Variants in TRAPPC9 observed in about 807,000 individuals in gnomAD.
TRAPPC9 encodes trafficking protein particle complex subunit 9.
In TRAPPC9, 83 loss-of-function variants were observed where a neutral mutation model predicts 124.0. That is an observed-to-expected ratio of 0.67 (90% CI 0.56 to 0.80). The LOEUF (loss-of-function observed/expected upper bound fraction) is 0.80, where lower values mean the gene tolerates loss of function less well. Ranked by LOEUF, TRAPPC9 falls within the 30% of genes least tolerant of loss-of-function variation. TRAPPC9 has a pLI of 0.00. For synonymous variants in TRAPPC9, 638 were observed against 617.5 expected (o/e 1.03, Z -0.49); for missense variants, 1,302 against 1,508.3 (o/e 0.86, Z 2.27).
chr8:139,772,520 C>T (rs1368347134), intron 21 of TRAPPC9, among the ~76,000 whole-genome samples: 2 of 152,212 alleles, frequency 1.3e-5, no homozygotes, highest in African/African-American at 4.8e-5. Context: ...GTGAGCTCCC[C>T]AGGCGTCTGC....
At chr8:139,998,565 A>T (rs1053786071) in intron 18 of TRAPPC9, among the ~76,000 whole-genome samples, 7 of 152,070 alleles carry the variant, frequency 4.6e-5, no homozygotes, top group Non-Finnish European at 1.0e-4. Flanking sequence ...AAAAATACAA[A>T]AACAAAATTA....
rs530991018 is a variant in TRAPPC9 at position 140,421,228 on chromosome 8, G to A, written c.886+5387C>T. On this transcript the variant is annotated intron_variant, in intron 5 of 22. Coordinates refer to ENST00000438773, the MANE Select transcript of TRAPPC9 (RefSeq NM_001160372.4). The stretch of plus-strand genomic sequence containing the variant: ...AAAGCTGCCAAAGCCTCTGAAAGAC[G>A]GAAATACATGCATGAACACACATAT... Among the ~76,000 whole-genome samples the A allele has an allele frequency of 3.3e-5, 5 of 152,220 alleles. No homozygotes were observed. In the East Asian group the frequency reaches 9.6e-4, roughly 29 times the overall value.
rs534712905 is a variant in TRAPPC9 at position 140,214,013 on chromosome 8, T to C, written c.2556+7446A>G. 1.2e-4 allele frequency among the ~76,000 whole-genome samples: 19 copies of C among 152,326 alleles called. No individual in the cohort carries two copies. The East Asian group carries it at 3.1e-3, about 25-fold the overall frequency. On this transcript the variant is annotated intron_variant, in intron 17 of 22. Coordinates refer to ENST00000438773, the MANE Select transcript of TRAPPC9 (RefSeq NM_001160372.4). ...CTCCAGGTCTCAGCTGGCTCCCACA[T>C]CTCTATGCAGCTCTGAAGGCTGTGC...
At chr8:139,766,124 C>T (rs1820568920) in intron 21 of TRAPPC9, among the ~76,000 whole-genome samples, 1 of 152,210 alleles carries the variant, frequency 6.6e-6, no homozygotes, top group Non-Finnish European at 1.5e-5. Flanking sequence ...CTGTCAAATC[C>T]CCTTGGCCCC....
chr8:140,099,313 G>A (rs1282795513), intron 17 of TRAPPC9: 2 of 151,262 alleles, frequency 1.3e-5, no homozygotes, highest in Non-Finnish European at 2.9e-5. Context: ...CGAGGTCTCT[G>A]CGCAACTGCA....
intron 21 of TRAPPC9, among the ~76,000 whole-genome samples, chr8:139,768,680 A>G (rs1289235357): frequency 1.3e-5 from 2 of 152,236 alleles, no homozygotes; most frequent in Non-Finnish European, 2.9e-5. Flanking sequence ...GGGGTTATCT[A>G]AACACAGAGC....
chr8:140,457,625 C>G lies in TRAPPC9; in HGVS notation c.-11+14G>C, dbSNP rs1012219131. The G allele has an allele frequency of 4.1e-6, 4 of 985,790 alleles. No individual in the cohort carries two copies. The highest frequency in any genetic ancestry group is 3.6e-6 in the Non-Finnish European group (3 of 830,200). The allele number at this position is 985,790 out of a possible 1,614,324, so 61.1% of individuals were successfully genotyped here. A position where few individuals can be genotyped will look rare whatever the true frequency, so the allele number is the denominator to read the frequency against. ...CGAATTGCCTGACCGGGAGCCCCCC[C>G]GCTTTGCACTTACACAGCCGGTGGC... On this transcript the variant is annotated intron_variant, in intron 1 of 22. Coordinates refer to ENST00000438773, the MANE Select transcript of TRAPPC9 (RefSeq NM_001160372.4).
intron 17 of TRAPPC9, among the ~76,000 whole-genome samples, chr8:140,125,584 A>ATTTTTTTTTT (rs1442863537): frequency 2.8e-5 from 3 of 108,230 alleles, no homozygotes; most frequent in African/African-American, 1.2e-4. Flanking sequence ...ATCGAATCTC[A>ATTTTTTTTTT]TTCTTTTTTT....
chr8:139,785,668 G>A (rs1822178986), intron 21 of TRAPPC9, among the ~76,000 whole-genome samples: 1 of 151,790 alleles, frequency 6.6e-6, no homozygotes, highest in South Asian at 2.1e-4. Context: ...GGTGGAGGTT[G>A]CAGTGAGCTG....
At chr8:140,009,948 G>A (rs908636671) in intron 18 of TRAPPC9, among the ~76,000 whole-genome samples, 2 of 152,212 alleles carry the variant, frequency 1.3e-5, no homozygotes, top group African/African-American at 4.8e-5. Flanking sequence ...AGGGAGGGAA[G>A]ATGAACGCTA....
chr8:139,910,409 G>A lies in TRAPPC9; in HGVS notation c.2811-109C>T, dbSNP rs181106097. On this transcript the variant is annotated intron_variant, in intron 19 of 22. Coordinates refer to ENST00000438773, the MANE Select transcript of TRAPPC9 (RefSeq NM_001160372.4). ...TGAGACACTATAATGAATCATTATCGTTAGTAATTCATAACGGATTCATTC... is the reference window on the plus strand; with the variant it reads ...TGAGACACTATAATGAATCATTATCATTAGTAATTCATAACGGATTCATTC... 97 of 1,135,322 alleles carry A rather than the reference G, an allele frequency of 8.5e-5. No individual in the cohort carries two copies. The East Asian group carries it at 1.5e-3, about 18-fold the overall frequency. The allele number at this position is 1,135,322 out of a possible 1,614,324, so 70.3% of individuals were successfully genotyped here.
intron 3 of TRAPPC9, 93 bp from the exon 4 acceptor site, chr8:140,435,333 C>G: frequency 6.8e-7 from 1 of 1,471,964 alleles, no homozygotes; most frequent in South Asian, 1.2e-5. Flanking sequence ...TTAGCTCAAA[C>G]TGCAGTAACT....
chr8:140,066,740 T>A (rs1459686318), intron 17 of TRAPPC9, among the ~76,000 whole-genome samples: 1 of 152,246 alleles, frequency 6.6e-6, no homozygotes, highest in African/African-American at 2.4e-5. Context: ...AAAACTATTG[T>A]GTTTAAAAAG....
chr8:139,957,513 TG>T (rs1179622823), intron 19 of TRAPPC9, among the ~76,000 whole-genome samples: 1 of 152,128 alleles, frequency 6.6e-6, no homozygotes, highest in Non-Finnish European at 1.5e-5. Context: ...TGTGTCTGGG[TG>T]TCCTCGGGAA....
intron 15 of TRAPPC9, among the ~76,000 whole-genome samples, chr8:140,253,610 A>G (rs2064179329): frequency 6.6e-6 from 1 of 152,048 alleles, no homozygotes; most frequent in African/African-American, 2.4e-5. Flanking sequence ...CCCGGCAGGC[A>G]GAGGTTGCAA....
In TRAPPC9 at chr8:140,241,213, A is replaced by G. The variant is rs551000741; in HGVS notation, c.2431+11564T>C. Reference sequence around the variant, plus strand: ...CAGGAGTTTGAGACCAGCCTGTCCAACATGATGAAACCCTGTCTCTACTAA... The same window carrying G: ...CAGGAGTTTGAGACCAGCCTGTCCAGCATGATGAAACCCTGTCTCTACTAA... On this transcript the variant is annotated intron_variant, in intron 16 of 22. Transcript: ENST00000438773. The surrounding 1 kb of genome is among the most constrained non-coding windows in gnomAD (Gnocchi z 5.0). Among the ~76,000 whole-genome samples, 73 of 152,338 alleles carry G rather than the reference A, an allele frequency of 4.8e-4. No individual in the cohort carries two copies. Among genetic ancestry groups the G allele is most frequent in the Non-Finnish European group, 9.4e-4 (64 of 68,022 alleles).
At chr8:139,755,184 T>C (rs1467342422) in intron 21 of TRAPPC9, among the ~76,000 whole-genome samples, 1 of 152,238 alleles carries the variant, frequency 6.6e-6, no homozygotes, top group Non-Finnish European at 1.5e-5. Flanking sequence ...ACCCTCCAGG[T>C]CCTCGGATAA....
intron 9 of TRAPPC9, among the ~76,000 whole-genome samples, chr8:140,350,065 A>C (rs2067505927): frequency 6.6e-6 from 1 of 152,202 alleles, no homozygotes; most frequent in African/African-American, 2.4e-5. Context: ...CCACAAAGTC[A>C]AGAAGCACCT....
At chr8:140,024,244 C>T (rs1031854380) in intron 17 of TRAPPC9, among the ~76,000 whole-genome samples, 165 bp from the exon 18 acceptor site, 2 of 151,950 alleles carry the variant, frequency 1.3e-5, no homozygotes, top group Admixed American at 6.6e-5. Context: ...CCGACTCACA[C>T]CCCCGGCGGG....
Sources: gnomAD v4.1 joint callset for allele counts (sites outside exome capture counted in the v4.1 genomes callset) on GRCh38, gnomAD v4.1.1 for gene constraint, Gnocchi (gnomAD v3.1) non-coding constraint, MANE v1.5 for transcripts, NCBI Gene and HGNC (gene_info 2026-07-23, HGNC 2026-07-21) for gene names.